The following SLC24A2 variants were observed in gnomAD, a reference collection of about 807,000 sequenced individuals.
The protein encoded by SLC24A2 is sodium/potassium/calcium exchanger 2.
Under a neutral mutation model 62.0 loss-of-function variants are expected in SLC24A2, and 36 were observed. The ratio of observed to expected loss-of-function variants is 0.58; its 90% CI spans 0.44 to 0.77. The LOEUF (loss-of-function observed/expected upper bound fraction) is 0.77, where lower values mean the gene tolerates loss of function less well. SLC24A2 is among the 30% of genes least tolerant of loss of function. The pLI is 0.00. For missense variants in SLC24A2, 846 were observed against 817.9 expected (o/e 1.03, Z -0.42); for synonymous variants, 358 against 294.0 (o/e 1.22, Z -2.23).
chr9:20,264,653 T>C, the SLC24A2 span, among the ~76,000 whole-genome samples: 1 of 152,358 alleles, frequency 6.6e-6, no homozygotes, highest in East Asian at 1.9e-4. Context: ...CAATCATATC[T>C]AAATTATATA....
intron 2 of SLC24A2, among the ~76,000 whole-genome samples, chr9:19,723,910 C>T (rs895498375): frequency 6.6e-6 from 1 of 151,882 alleles, no homozygotes; most frequent in African/African-American, 2.4e-5. Context: ...TAAGGTATGT[C>T]TCTGTTGATG....
At chr9:19,874,220 C>G in the SLC24A2 span, among the ~76,000 whole-genome samples, 1 of 151,838 alleles carries the variant, frequency 6.6e-6, no homozygotes, top group Admixed American at 6.6e-5. Flanking sequence ...GCTGGGATGA[C>G]AGGCGTCAGC....
chr9:20,167,140 T>C, the SLC24A2 span, among the ~76,000 whole-genome samples: 158 of 152,148 alleles, frequency 1.0e-3, 2 homozygotes, highest in African/African-American at 3.6e-3. Flanking sequence ...AAATGAATGT[T>C]GTAAACACAC....
intron 7 of SLC24A2, among the ~76,000 whole-genome samples, chr9:19,556,860 T>G (rs934865458): frequency 1.4e-4 from 21 of 152,366 alleles, no homozygotes; most frequent in Non-Finnish European, 2.6e-4. Flanking sequence ...TCTCCTGGGA[T>G]GTTTTAATGT....
At chr9:20,075,547 A>T in the SLC24A2 span, among the ~76,000 whole-genome samples, 1 of 152,122 alleles carries the variant, frequency 6.6e-6, no homozygotes, top group African/African-American at 2.4e-5. Flanking sequence ...TACAATTCAC[A>T]CCTCACACTT....
the SLC24A2 span, among the ~76,000 whole-genome samples, chr9:20,005,518 C>G: frequency 5.3e-5 from 8 of 151,788 alleles, no homozygotes; most frequent in South Asian, 8.3e-4. Flanking sequence ...CTTAAGATCA[C>G]AAAGTTACTA....
the SLC24A2 span, among the ~76,000 whole-genome samples, chr9:20,287,448 T>C: frequency 2.0e-5 from 3 of 151,852 alleles, no homozygotes; most frequent in South Asian, 6.2e-4. Flanking sequence ...TCCCCTGGGG[T>C]GAGGTGGGGT....
chr9:19,528,736 C>T lies in SLC24A2; in HGVS notation c.1480-598G>A, dbSNP rs148043609. Among the ~76,000 whole-genome samples, 700 of 152,262 alleles carry T rather than the reference C, an allele frequency of 4.6e-3. 5 individuals are homozygous for T. Among genetic ancestry groups the T allele is most frequent in the African/African-American group, 0.016 (663 of 41,548 alleles). On this transcript the variant is annotated intron_variant, in intron 8 of 10. Transcript: ENST00000341998. The stretch of plus-strand genomic sequence containing the variant: ...TAGATTCTGGATGATGGCCATTCTC[C>T]AGGACACTGGAACCACCCATGGACC...
chr9:19,965,439 T>G, the SLC24A2 span, among the ~76,000 whole-genome samples: 1 of 152,160 alleles, frequency 6.6e-6, no homozygotes, highest in Non-Finnish European at 1.5e-5. Context: ...AGTACAGAAA[T>G]GTTTTAATAT....
At chr9:20,190,116 G>C in the SLC24A2 span, among the ~76,000 whole-genome samples, 1 of 152,146 alleles carries the variant, frequency 6.6e-6, no homozygotes, top group Admixed American at 6.5e-5. Context: ...GTGTGAACCC[G>C]CAACACTCCC....
chr9:19,913,398 C>A, the SLC24A2 span, among the ~76,000 whole-genome samples: 1 of 152,100 alleles, frequency 6.6e-6, no homozygotes. Context: ...GAGTGGATAT[C>A]TCATCCAAGC....
intron 2 of SLC24A2, among the ~76,000 whole-genome samples, chr9:19,750,584 C>T (rs1248220725): frequency 1.3e-5 from 2 of 152,092 alleles, no homozygotes; most frequent in Admixed American, 6.6e-5. Context: ...GCTCTGCCCC[C>T]GTCCAGCCAT....
the SLC24A2 span, among the ~76,000 whole-genome samples, chr9:20,156,416 T>C: frequency 2.6e-5 from 4 of 151,712 alleles, no homozygotes; most frequent in Non-Finnish European, 5.9e-5. Flanking sequence ...ATCTATGAAA[T>C]GACCCAGAAT....
At chr9:20,096,075 C>G in the SLC24A2 span, among the ~76,000 whole-genome samples, 3 of 144,372 alleles carry the variant, frequency 2.1e-5, no homozygotes, top group Non-Finnish European at 4.5e-5. Flanking sequence ...CTGTATCCAT[C>G]CATCCATCCA....
chr9:19,750,256 C>A (rs752271039), intron 2 of SLC24A2, among the ~76,000 whole-genome samples: 43 of 152,140 alleles, frequency 2.8e-4, no homozygotes, highest in Middle Eastern at 3.4e-3. Flanking sequence ...TTTCTGTCCT[C>A]CCCAGTTGCC....
At chr9:20,218,784 T>C in the SLC24A2 span, among the ~76,000 whole-genome samples, 9 of 152,264 alleles carry the variant, frequency 5.9e-5, no homozygotes, top group Non-Finnish European at 1.0e-4. Flanking sequence ...CAATCACACA[T>C]GTATTTCTTA....
intron 2 of SLC24A2, among the ~76,000 whole-genome samples, chr9:19,679,750 G>A (rs75354184): frequency 0.023 from 3,518 of 151,872 alleles, 79 homozygotes; most frequent in East Asian, 0.091. Flanking sequence ...GGCTTTCTTC[G>A]TTCTCCATCT....
At chr9:19,903,993 G>A in the SLC24A2 span, among the ~76,000 whole-genome samples, 2 of 152,212 alleles carry the variant, frequency 1.3e-5, no homozygotes, top group African/African-American at 4.8e-5. Context: ...GATGTTAGCA[G>A]TAAGGGCCAG....
the SLC24A2 span, among the ~76,000 whole-genome samples, chr9:19,907,584 T>A: frequency 1.3e-5 from 2 of 152,172 alleles, no homozygotes; most frequent in Admixed American, 1.3e-4. Flanking sequence ...AACCCCATCG[T>A]CTCAGCCCAA....
Sources: allele counts gnomAD v4.1 joint callset (sites outside exome capture counted in the v4.1 genomes callset), GRCh38; gene constraint gnomAD v4.1.1; transcripts MANE v1.5; gene names NCBI Gene and HGNC (gene_info 2026-07-23, HGNC 2026-07-21).